Variants in VWC2L observed in about 807,000 individuals in gnomAD.
VWC2L encodes the protein von Willebrand factor C domain containing 2 like, also known as von Willebrand factor C domain-containing protein 2-like.
A neutral mutation model predicts 21.6 loss-of-function variants in VWC2L; 10 were observed. The observed-to-expected ratio is 0.46, with a 90% confidence interval of 0.29 to 0.78. The LOEUF is 0.78. Ranked by LOEUF, VWC2L falls within the 30% of genes least tolerant of loss-of-function variation. The pLI is 0.10. For missense variants in VWC2L, 209 were observed against 277.1 expected, an observed-to-expected ratio of 0.75 and a Z score of 1.74; for synonymous variants, 96 against 94.3, an observed-to-expected ratio of 1.02 and a Z score of -0.10.
At chr2:214,564,660 G>A (rs1690034666) in intron 3 of VWC2L, among the ~76,000 whole-genome samples, 1 of 152,110 alleles carries the variant, frequency 6.6e-6, no homozygotes, top group South Asian at 2.1e-4. Context: ...TCTAAGATGT[G>A]CCTGGTTGCC....
At chr2:214,476,727 T>C (rs1688531394) in intron 3 of VWC2L, among the ~76,000 whole-genome samples, 1 of 152,232 alleles carries the variant, frequency 6.6e-6, no homozygotes, top group African/African-American at 2.4e-5. Context: ...TATTTTTGCC[T>C]GACTTTCTCA....
chr2:214,545,281 C>T (rs1689688572), intron 3 of VWC2L, among the ~76,000 whole-genome samples: 1 of 152,000 alleles, frequency 6.6e-6, no homozygotes, highest in South Asian at 2.1e-4. Context: ...CCGCGTGCAC[C>T]CTCCATTTAA....
chr2:214,509,695 A>ACT (rs1286848018), intron 3 of VWC2L, among the ~76,000 whole-genome samples: 1 of 151,740 alleles, frequency 6.6e-6, no homozygotes, highest in South Asian at 2.1e-4. Flanking sequence ...GGTCATATTG[A>ACT]CTCTCTGGTT....
chr2:214,469,759 C>T (rs143709016), intron 3 of VWC2L, among the ~76,000 whole-genome samples: 3 of 152,282 alleles, frequency 2.0e-5, no homozygotes, highest in African/African-American at 4.8e-5. Flanking sequence ...CCATTCATTT[C>T]ATCTATTTAA....
intron 3 of VWC2L, among the ~76,000 whole-genome samples, chr2:214,509,223 C>A (rs1689015942): frequency 6.6e-6 from 1 of 152,292 alleles, no homozygotes; most frequent in East Asian, 1.9e-4. Context: ...CTGAATTTTC[C>A]TAACGTATGT....
rs1440934041 is a variant in VWC2L at position 214,414,364 on chromosome 2, C to T, written c.171C>T (p.Ser57=). The part of the protein sequence containing the change: ...DYRGKGCVDD[S]GFVYKLGERF... ...GAGGGAAAGGGTGTGTCGATGACAG[C>T]GGCTTTGTATACAAGTTGGGAGAAC... The change falls in exon 2 of 4, where the codon AGC becomes AGT. Residue 57 remains serine (S), a synonymous_variant. Coordinates refer to ENST00000312504, the MANE Select transcript of VWC2L (RefSeq NM_001080500.4). The T allele has an allele frequency of 8.1e-6, 13 of 1,613,364 alleles. No homozygotes were observed. The highest frequency in any genetic ancestry group is 4.0e-5 in the African/African-American group (3 of 74,816).
chr2:214,502,579 C>CAA (rs35504058), intron 3 of VWC2L, among the ~76,000 whole-genome samples: 9 of 151,674 alleles, frequency 5.9e-5, no homozygotes, highest in East Asian at 3.9e-4. Context: ...CAAAAACAAA[C>CAA]AAAAAAAAGT....
At chr2:214,527,729 C>T (rs930532213) in intron 3 of VWC2L, among the ~76,000 whole-genome samples, 2 of 152,144 alleles carry the variant, frequency 1.3e-5, no homozygotes, top group Non-Finnish European at 2.9e-5. Flanking sequence ...CCCTCCTCTC[C>T]CTGTTTATTG....
intron 3 of VWC2L, among the ~76,000 whole-genome samples, chr2:214,458,206 T>C (rs1253780543): frequency 1.3e-5 from 2 of 152,110 alleles, no homozygotes; most frequent in Admixed American, 6.5e-5. Context: ...CCCGTAGGTT[T>C]GCAGTATGTT....
At chr2:214,473,588 A>G (rs1372875598) in intron 3 of VWC2L, 2 of 152,178 alleles carry the variant, frequency 1.3e-5, no homozygotes, top group Non-Finnish European at 2.9e-5. Flanking sequence ...TCCACTCAAA[A>G]TCACATGGTC....
rs540186264 is a variant in VWC2L at position 214,512,105 on chromosome 2, T to C, written c.521-63567T>C. Among the ~76,000 whole-genome samples the C allele has an allele frequency of 3.8e-4, 58 of 152,158 alleles. No homozygotes were observed. The South Asian group carries it at 5.0e-3, about 13-fold the overall frequency. ...TATTTGATTATAGTCTTGATATCAC[T>C]TGATTATGGTTTCATAGAGTGCACA... On this transcript the variant is annotated intron_variant, in intron 3 of 3. Coordinates refer to ENST00000312504, the MANE Select transcript of VWC2L (RefSeq NM_001080500.4).
intron 3 of VWC2L, among the ~76,000 whole-genome samples, chr2:214,464,218 G>A (rs767143545): frequency 2.6e-5 from 4 of 152,014 alleles, no homozygotes; most frequent in South Asian, 4.2e-4. Context: ...GTGGATGTTC[G>A]TTAATGTATA....
In VWC2L at chr2:214,520,058, T is replaced by TACACACACACACACACAC. The variant is rs60850327; in HGVS notation, c.521-55599_521-55582dup. Among the ~76,000 whole-genome samples the TACACACACACACACACAC allele has an allele frequency of 1.4e-3, 206 of 143,246 alleles. 2 individuals carry two copies. The highest frequency in any genetic ancestry group is 7.5e-3 in the South Asian group (32 of 4,286). The allele number at this position is 143,246 out of a possible 152,430, so 94.0% of individuals were successfully genotyped here. ...ATTCTCAGAATATTTGCTCCTGTTA[T>TACACACACACACACACAC]ACACACACACACACACACACACACA... is the stretch of plus-strand genomic sequence containing the variant. On this transcript the variant is annotated intron_variant, in intron 3 of 3. Coordinates refer to ENST00000312504, the MANE Select transcript of VWC2L (RefSeq NM_001080500.4).
rs1275988101 is a variant in VWC2L, at chr2:214,577,136, G to C, written c.*1316G>C. ...ATTCTGAAACCACATGGCATAGTTA[G>C]TCGCTTATTCCATGCTCCTGCCCTA... is the stretch of plus-strand genomic sequence containing the variant. On this transcript the variant is annotated 3_prime_UTR_variant, in exon 4 of 4. Transcript: ENST00000312504. The C allele has an allele frequency of 1.3e-5, 2 of 152,156 alleles. No individual in the cohort carries two copies. The highest frequency in any genetic ancestry group is 4.8e-5 in the African/African-American group (2 of 41,438). 9.4% of individuals were successfully genotyped at this position (152,156 alleles called of 1,614,324 possible).
Position 214,519,127 on chromosome 2 carries a change from G to T in VWC2L, c.521-56545G>T, listed in dbSNP as rs187557442. 2.6e-5 allele frequency among the ~76,000 whole-genome samples: 4 copies of T among 152,294 alleles called. No homozygotes were observed. In the East Asian group the frequency reaches 7.7e-4, roughly 29 times the overall value. On this transcript the variant is annotated intron_variant, in intron 3 of 3. Transcript: ENST00000312504. ...ATGCTGCTTTAGTCATAATCAGTGC[G>T]ATTGAGGAATAAAAGGAAGGGAGGA...
At chr2:214,554,225 C>T (rs945846314) in intron 3 of VWC2L, among the ~76,000 whole-genome samples, 3 of 152,194 alleles carry the variant, frequency 2.0e-5, no homozygotes, top group Admixed American at 1.3e-4. Flanking sequence ...CTATTTCTAA[C>T]TTTGTATTTG....
At chr2:214,518,943 ATTTGATCTTACT>A (rs1466064900) in intron 3 of VWC2L, among the ~76,000 whole-genome samples, 1 of 152,202 alleles carries the variant, frequency 6.6e-6, no homozygotes, top group East Asian at 1.9e-4. Context: ...CAAAGAGCAT[ATTTGATCTTACT>A]AGAAGGCCAA....
At chr2:214,457,796 T>C (rs902196371) in intron 3 of VWC2L, among the ~76,000 whole-genome samples, 1 of 152,134 alleles carries the variant, frequency 6.6e-6, no homozygotes, top group African/African-American at 2.4e-5. Context: ...GATCCATCCC[T>C]ATATCTCTGG....
chr2:214,515,384 C>G (rs1310871089), intron 3 of VWC2L, among the ~76,000 whole-genome samples: 1 of 152,106 alleles, frequency 6.6e-6, no homozygotes, highest in Non-Finnish European at 1.5e-5. Flanking sequence ...CTCTCCTCCA[C>G]CCCTGTGGAG....
Sources: allele counts gnomAD v4.1 joint callset (sites outside exome capture counted in the v4.1 genomes callset), GRCh38; gene constraint gnomAD v4.1.1; transcripts MANE v1.5; gene names NCBI Gene and HGNC (gene_info 2026-07-23, HGNC 2026-07-21).